The following CDKAL1 variants were observed in gnomAD, a reference collection of about 807,000 sequenced individuals.
CDKAL1 encodes CDKAL1 threonylcarbamoyladenosine tRNA methylthiotransferase, also known as threonylcarbamoyladenosine tRNA methylthiotransferase.
Under a neutral mutation model 68.2 loss-of-function variants are expected in CDKAL1, and 32 were observed. The observed-to-expected ratio is 0.47, with a 90% CI of 0.35 to 0.63. CDKAL1 has a LOEUF of 0.63. Among genes scored for constraint, CDKAL1 ranks in the 30% least tolerant of loss-of-function variants. The pLI is 0.00. For synonymous variants in CDKAL1, 234 were observed against 244.3 expected (o/e 0.96, Z 0.39); for missense variants, 606 against 696.7 (o/e 0.87, Z 1.47).
intron 10 of CDKAL1, among the ~76,000 whole-genome samples, chr6:20,983,976 A>G (rs1039843527): frequency 6.6e-6 from 1 of 152,214 alleles, no homozygotes; most frequent in Non-Finnish European, 1.5e-5. Context: ...TGATTGAGCA[A>G]TGTCGAGGGC....
chr6:20,730,601 T>C (rs1414834596), intron 5 of CDKAL1, among the ~76,000 whole-genome samples: 2 of 151,826 alleles, frequency 1.3e-5, no homozygotes, highest in African/African-American at 4.8e-5. Flanking sequence ...TCCCAGCACT[T>C]TGGGAGGCCG....
At chr6:21,024,712 G>A (rs1768866904) in intron 11 of CDKAL1, among the ~76,000 whole-genome samples, 1 of 152,174 alleles carries the variant, frequency 6.6e-6, no homozygotes, top group Non-Finnish European at 1.5e-5. Flanking sequence ...CAGAGACGGG[G>A]AACACAGCTG....
chr6:20,808,603 A>G (rs145674214), intron 8 of CDKAL1, among the ~76,000 whole-genome samples: 102 of 152,022 alleles, frequency 6.7e-4, no homozygotes, highest in African/African-American at 2.4e-3. Flanking sequence ...AAGTTAGTTG[A>G]ATTTTGGATC....
intron 9 of CDKAL1, among the ~76,000 whole-genome samples, chr6:20,856,431 A>G (rs1252174683): frequency 6.6e-6 from 1 of 152,184 alleles, no homozygotes; most frequent in Non-Finnish European, 1.5e-5. Flanking sequence ...GCACAATTGA[A>G]TGCTGTGTCT....
intron 13 of CDKAL1, among the ~76,000 whole-genome samples, chr6:21,185,462 T>A (rs139246617): frequency 6.6e-6 from 1 of 152,228 alleles, no homozygotes; most frequent in African/African-American, 2.4e-5. Flanking sequence ...TTAAGTAGAA[T>A]CTTTTATTCT....
chr6:20,542,715 G>C (rs906537332), intron 2 of CDKAL1, among the ~76,000 whole-genome samples: 31 of 152,076 alleles, frequency 2.0e-4, no homozygotes, highest in African/African-American at 6.8e-4. Context: ...ATACAATACA[G>C]TATCACAACC....
intron 9 of CDKAL1, among the ~76,000 whole-genome samples, chr6:20,887,770 C>CT (rs535626148): frequency 2.7e-5 from 4 of 149,056 alleles, no homozygotes; most frequent in African/African-American, 4.9e-5. Context: ...AAGATCTTTC[C>CT]TTTTTTTCTT....
At chr6:20,821,941 G>A (rs1439426639) in intron 8 of CDKAL1, among the ~76,000 whole-genome samples, 1 of 152,172 alleles carries the variant, frequency 6.6e-6, no homozygotes, top group Non-Finnish European at 1.5e-5. Context: ...GTATAGATTA[G>A]AGGTCAGCAA....
chr6:21,070,995 A>G (rs1771744145), intron 12 of CDKAL1, among the ~76,000 whole-genome samples: 1 of 152,142 alleles, frequency 6.6e-6, no homozygotes, highest in Non-Finnish European at 1.5e-5. Flanking sequence ...TTGCTTACTA[A>G]TCCTTTCTTC....
chr6:20,834,483 T>C (rs1213278583), intron 8 of CDKAL1, among the ~76,000 whole-genome samples: 1 of 152,218 alleles, frequency 6.6e-6, no homozygotes, highest in East Asian at 1.9e-4. Flanking sequence ...GCTTGGCTTC[T>C]GGGATTTGGC....
chr6:21,087,392 C>T (rs1772753055), intron 12 of CDKAL1, among the ~76,000 whole-genome samples: 1 of 152,124 alleles, frequency 6.6e-6, no homozygotes, highest in East Asian at 1.9e-4. Context: ...AGTGCAGTGG[C>T]ACAAACACAG....
At chr6:21,056,208 G>A (rs1320008123) in intron 11 of CDKAL1, among the ~76,000 whole-genome samples, 3 of 152,002 alleles carry the variant, frequency 2.0e-5, no homozygotes, top group Non-Finnish European at 1.5e-5. Flanking sequence ...TTGAACGGTG[G>A]TTTGTAGTTC....
chr6:20,801,183 CAA>C (rs1261389720), intron 8 of CDKAL1, among the ~76,000 whole-genome samples: 1 of 152,026 alleles, frequency 6.6e-6, no homozygotes, highest in South Asian at 2.1e-4. Context: ...CTTGGCCTCT[CAA>C]AGTGCTGGGA....
intron 11 of CDKAL1, 116 bp downstream of exon 11, chr6:21,000,488 TC>T (rs1767371213): frequency 2.2e-6 from 2 of 900,152 alleles, no homozygotes; most frequent in South Asian, 1.8e-5. Flanking sequence ...GGCGAGACTT[TC>T]GAAGCTTTCA....
At chr6:20,833,355 A>G (rs1227848524) in intron 8 of CDKAL1, among the ~76,000 whole-genome samples, 1 of 152,144 alleles carries the variant, frequency 6.6e-6, no homozygotes, top group Non-Finnish European at 1.5e-5. Flanking sequence ...ACATTCATAC[A>G]CATCCTTTTC....
At chr6:21,064,952 T>C in intron 11 of CDKAL1, 96 bp from the exon 12 acceptor site, 3 of 742,602 alleles carry the variant, frequency 4.0e-6, no homozygotes, top group Non-Finnish European at 6.0e-6. Context: ...TAAAAATAAA[T>C]TTTAATTACC....
intron 13 of CDKAL1, among the ~76,000 whole-genome samples, chr6:21,171,338 G>A (rs372850230): frequency 9.9e-5 from 15 of 151,970 alleles, no homozygotes; most frequent in African/African-American, 3.1e-4. Context: ...TCAGCCTCCC[G>A]AGTAGCTGGG....
intron 11 of CDKAL1, among the ~76,000 whole-genome samples, chr6:21,016,142 ATATATATGTG>A (rs985947430): frequency 7.1e-5 from 10 of 141,012 alleles, no homozygotes; most frequent in East Asian, 4.3e-4. Context: ...ATATATGTGT[ATATATATGTG>A]TATATATATA....
At chr6:20,618,720 C>T (rs1481282892) in intron 4 of CDKAL1, among the ~76,000 whole-genome samples, 2 of 151,914 alleles carry the variant, frequency 1.3e-5, no homozygotes, top group African/African-American at 4.8e-5. Flanking sequence ...GCTCTGTCAC[C>T]CAGGCTGGAG....
Sources: allele counts gnomAD v4.1 joint callset (sites outside exome capture counted in the v4.1 genomes callset), GRCh38; gene constraint gnomAD v4.1.1; transcripts MANE v1.5; gene names NCBI Gene and HGNC (gene_info 2026-07-23, HGNC 2026-07-21).